GABRB2: variants seen among roughly 807,000 people sequenced by gnomAD.
GABRB2 encodes the protein gamma-aminobutyric acid receptor subunit beta-2.
GABRB2 carries 16 observed loss-of-function variants against 54.7 expected under a neutral mutation model. The observed-to-expected ratio is 0.29, with a 90% confidence interval of 0.20 to 0.44. The LOEUF is 0.44. GABRB2 is among the 20% of genes least tolerant of loss of function. The pLI, the probability that GABRB2 is intolerant of heterozygous loss-of-function variation, is 1.00. For missense variants in GABRB2, 355 were observed against 644.0 expected, an observed-to-expected ratio of 0.55 and a Z score of 4.86; for synonymous variants, 244 against 233.8, an observed-to-expected ratio of 1.04 and a Z score of -0.40.
chr5:161,513,560 A>C (rs1759841799), intron 3 of GABRB2, among the ~76,000 whole-genome samples: 2 of 152,068 alleles, frequency 1.3e-5, no homozygotes, highest in South Asian at 4.1e-4. Context: ...ATTATCATTT[A>C]TAACTGGGAG....
At chr5:161,390,789 C>G (rs991926089) in intron 5 of GABRB2, among the ~76,000 whole-genome samples, 1 of 152,090 alleles carries the variant, frequency 6.6e-6, no homozygotes, top group African/African-American at 2.4e-5. Flanking sequence ...TCTCCCAAAT[C>G]TTTGCATCTA....
At chr5:161,309,144 T>G (rs2113360134) in intron 9 of GABRB2, among the ~76,000 whole-genome samples, 1 of 152,176 alleles carries the variant, frequency 6.6e-6, no homozygotes, top group South Asian at 2.1e-4. Context: ...TATAAGAAAC[T>G]TAAGCAAATT....
intron 4 of GABRB2, among the ~76,000 whole-genome samples, chr5:161,420,064 AT>A (rs1394346056): frequency 1.3e-5 from 2 of 152,130 alleles, no homozygotes; most frequent in Non-Finnish European, 1.5e-5. Context: ...AAAGTGATTA[AT>A]TTTTTTCTCA....
chr5:161,448,155 G>T lies in GABRB2; in HGVS notation c.458+11469C>A, dbSNP rs148381969. ...AAATTTCTTGGGGAGAGGAATAGTC[G>T]CTCATGCCTGTAATCCCAGCACTTT... On this transcript the variant is annotated intron_variant, in intron 4 of 9. Coordinates refer to ENST00000393959, the MANE Select transcript of GABRB2 (RefSeq NM_001371727.1). Among the ~76,000 whole-genome samples the T allele has an allele frequency of 1.2e-3, 181 of 152,180 alleles. 1 individual carries two copies. The highest frequency in any genetic ancestry group is 4.2e-3 in the African/African-American group (173 of 41,528).
chr5:161,494,190 T>C (rs548131654), intron 3 of GABRB2, among the ~76,000 whole-genome samples: 92 of 151,948 alleles, frequency 6.1e-4, no homozygotes, highest in African/African-American at 2.0e-3. Context: ...GGTACTATAG[T>C]AGTGACAAGA....
intron 9 of GABRB2, among the ~76,000 whole-genome samples, chr5:161,318,702 A>T (rs1281822742): frequency 6.6e-6 from 1 of 152,004 alleles, no homozygotes; most frequent in Non-Finnish European, 1.5e-5. Flanking sequence ...AATAAACTTT[A>T]GAGTTATTGG....
chr5:161,454,026 A>C (rs1490623377), intron 4 of GABRB2, among the ~76,000 whole-genome samples: 6 of 146,456 alleles, frequency 4.1e-5, no homozygotes, highest in Non-Finnish European at 7.5e-5. Flanking sequence ...AGACAGAGTG[A>C]GATTCCAAAA....
At chr5:161,360,851 T>G (rs1754787987) in intron 5 of GABRB2, among the ~76,000 whole-genome samples, 1 of 149,600 alleles carries the variant, frequency 6.7e-6, no homozygotes, top group Admixed American at 6.7e-5. Context: ...ACCCAAAACA[T>G]AACAATACAA....
At chr5:161,534,118 C>T (rs1760552850) in intron 3 of GABRB2, among the ~76,000 whole-genome samples, 1 of 152,138 alleles carries the variant, frequency 6.6e-6, no homozygotes, top group Admixed American at 6.6e-5. Context: ...TCTAAAAGCA[C>T]AGCACAATTT....
chr5:161,292,624 A>C lies in GABRB2; in HGVS notation c.*1457T>G, dbSNP rs1757268463. The C allele has an allele frequency of 6.6e-6, 1 of 152,196 alleles. No homozygotes were observed. 9.4% of individuals were successfully genotyped at this position (152,196 alleles called of 1,614,324 possible). A position where few individuals can be genotyped will look rare whatever the true frequency, so the allele number is the denominator to read the frequency against. The stretch of plus-strand genomic sequence containing the variant: ...TCAACTGAGGCTCATAACATTTATC[A>C]TGTTAATGTGGCTTTGTTATTATTT... On this transcript the variant is annotated 3_prime_UTR_variant, in exon 10 of 10. Transcript: ENST00000393959.
chr5:161,335,665 A>C (rs1753970730), intron 6 of GABRB2, among the ~76,000 whole-genome samples: 1 of 152,144 alleles, frequency 6.6e-6, no homozygotes, highest in African/African-American at 2.4e-5. Context: ...AGCCTTGTTT[A>C]GTTTTTGGAG....
At chr5:161,454,745 C>T (rs371350590) in intron 4 of GABRB2, among the ~76,000 whole-genome samples, 1 of 152,178 alleles carries the variant, frequency 6.6e-6, no homozygotes, top group African/African-American at 2.4e-5. Flanking sequence ...ATTCACCCCT[C>T]TTCCTATGAA....
chr5:161,440,821 T>C (rs926192850), intron 4 of GABRB2, among the ~76,000 whole-genome samples: 4 of 152,090 alleles, frequency 2.6e-5, no homozygotes, highest in African/African-American at 9.7e-5. Flanking sequence ...TCCACACACC[T>C]ACAGTGAACC....
chr5:161,479,443 A>T (rs1758689390), intron 3 of GABRB2, among the ~76,000 whole-genome samples: 1 of 152,106 alleles, frequency 6.6e-6, no homozygotes, highest in African/African-American at 2.4e-5. Flanking sequence ...ATATATAGAC[A>T]TGAATTTCAG....
chr5:161,388,400 A>G (rs1463166429), intron 5 of GABRB2, among the ~76,000 whole-genome samples: 1 of 152,066 alleles, frequency 6.6e-6, no homozygotes, highest in Non-Finnish European at 1.5e-5. Context: ...CTTATAGCCT[A>G]TCGAAATTTT....
At chr5:161,419,959 T>C (rs1316513113) in intron 4 of GABRB2, among the ~76,000 whole-genome samples, 19 of 152,072 alleles carry the variant, frequency 1.2e-4, no homozygotes, top group Admixed American at 1.2e-3. Flanking sequence ...TCTGAATCTA[T>C]AAAAATAAAA....
intron 5 of GABRB2, among the ~76,000 whole-genome samples, chr5:161,341,110 G>C (rs902624333): frequency 6.6e-6 from 1 of 151,944 alleles, no homozygotes; most frequent in Non-Finnish European, 1.5e-5. Flanking sequence ...ACAGTTCCAG[G>C]GTGGTCAAGT....
chr5:161,457,041 T>G (rs112029865), intron 4 of GABRB2, among the ~76,000 whole-genome samples: 9,429 of 152,298 alleles, frequency 0.062, 329 homozygotes, highest in Middle Eastern at 0.095. Context: ...AGATCTGATA[T>G]GCATAAATTT....
intron 4 of GABRB2, among the ~76,000 whole-genome samples, chr5:161,423,107 ATTAT>A (rs1756898634): frequency 6.6e-6 from 1 of 151,994 alleles, no homozygotes; most frequent in East Asian, 1.9e-4. Context: ...TTAATTGTAA[ATTAT>A]TTATTCATGT....
Sources: gnomAD v4.1 joint callset for allele counts (sites outside exome capture counted in the v4.1 genomes callset) on GRCh38, gnomAD v4.1.1 for gene constraint, MANE v1.5 for transcripts, NCBI Gene and HGNC (gene_info 2026-07-23, HGNC 2026-07-21) for gene names.